SPEG: variants seen among roughly 807,000 people sequenced by gnomAD.
The protein encoded by SPEG is striated muscle preferentially expressed protein kinase.
A neutral mutation model predicts 300.4 loss-of-function variants in SPEG; 114 were observed. The ratio of observed to expected loss-of-function variants is 0.38; its 90% CI spans 0.33 to 0.44. SPEG has a LOEUF of 0.44. Among genes scored for constraint, SPEG ranks in the 20% least tolerant of loss-of-function variants. SPEG has a pLI of 1.00. For missense variants in SPEG, 4,201 were observed against 4,586.2 expected, an observed-to-expected ratio of 0.92 and a Z score of 2.43; for synonymous variants, 1,964 against 2,018.9, an observed-to-expected ratio of 0.97 and a Z score of 0.73.
intron 28 of SPEG, 109 bp from the exon 29 acceptor site, chr2:219,482,675 G>A (rs1559416491): frequency 3.3e-6 from 3 of 916,940 alleles, no homozygotes; most frequent in South Asian, 1.5e-5. Context: ...AGTGCTGCTC[G>A]ATCCACTCTC....
intron 18 of SPEG, among the ~76,000 whole-genome samples, chr2:219,476,585 A>C (rs1006910991): frequency 1.2e-4 from 19 of 152,202 alleles, no homozygotes; most frequent in Admixed American, 6.5e-5. Flanking sequence ...AAGCTGCCAA[A>C]TTAATACAGA....
Position 219,489,825 on chromosome 2 carries a change from A to T in SPEG, c.8807A>T (p.Lys2936Met). 1 of 1,613,538 alleles carries T rather than the reference A, an allele frequency of 6.2e-7. No individual in the cohort carries two copies. Residue 2936 changes from lysine to methionine, a missense_variant, in exon 36 of 41, where the codon AAG becomes ATG. Lys to Met is a moderately conservative substitution (Grantham distance 95). Around this residue, in one of 4 missense-constraint regions of SPEG, gnomAD observed 1,578 missense variants for 1,506.0 expected, o/e 1.05. Transcript: ENST00000312358. ...KVTVQSLSPA[K>M]EVVSSPGSSP... ...ACTGTGCAGAGCCTCAGCCCGGCCA[A>T]GGAGGTGGTCAGCTCCCCTGGGAGC...
rs773252094 is a variant in SPEG, at chr2:219,480,066, C to T, written c.5268C>T (p.Cys1756=). 3 of 1,614,048 alleles carry T rather than the reference C, an allele frequency of 1.9e-6. No homozygotes were observed. The South Asian group carries it at 3.3e-5, about 18-fold the overall frequency. Residue 1756 remains cysteine, a synonymous_variant, in exon 25 of 41, where the codon TGC becomes TGT. Coordinates refer to ENST00000312358, the MANE Select transcript of SPEG (RefSeq NM_005876.5). The surrounding 1 kb of genome is among the most constrained non-coding windows in gnomAD (Gnocchi z 5.3). ...TGACTCCAGGAGAGCCCCAGTACTG[C>T]CAGTATGGCACACCTGAGTTTGTAG... ...QELTPGEPQY[C]QYGTPEFVAP...
At position 219,488,573 on chromosome 2, in the gene SPEG, C is replaced by T; in HGVS notation, c.7934C>T (p.Pro2645Leu). The stretch of plus-strand genomic sequence containing the variant: ...GATGGGCGGCAGCTGCTCAGCATCC[C>T]CCGGGCGGGCAAGCGGCACGCCGGT... The part of the protein sequence containing the change: ...CKDGRQLLSI[P>L]RAGKRHAGLY... The change falls in exon 33 of 41, where the codon CCC becomes CTC. Residue 2645 changes from proline (P) to leucine (L), a missense_variant. By Grantham distance (98) the Pro-to-Leu change is moderately conservative. Coordinates refer to ENST00000312358, the MANE Select transcript of SPEG (RefSeq NM_005876.5). The T allele has an allele frequency of 1.2e-6, 2 of 1,612,036 alleles. No individual in the cohort carries two copies. The highest frequency in any genetic ancestry group is 1.7e-6 in the Non-Finnish European group (2 of 1,179,310).
chr2:219,443,273 C>A lies in SPEG; in HGVS notation c.389-1380C>A. 1 of 1,000,884 alleles carries A rather than the reference C, an allele frequency of 1.0e-6. No homozygotes were observed. Among genetic ancestry groups the A allele is most frequent in the Non-Finnish European group, 1.6e-6 (1 of 622,534 alleles). 62.0% of individuals were successfully genotyped at this position (1,000,884 alleles called of 1,614,324 possible). A position where few individuals can be genotyped will look rare whatever the true frequency, so the allele number is the denominator to read the frequency against. ...GAGATGTGGAACCCTCCCACTCACC[C>A]CCACACTTATCTACCACCCACCCGA... On this transcript the variant is annotated intron_variant, in intron 1 of 40. Coordinates refer to ENST00000312358, the MANE Select transcript of SPEG (RefSeq NM_005876.5). This position sits in a 1 kb window ranked among gnomAD's most constrained non-coding sequence, Gnocchi z 4.6.
In SPEG at chr2:219,448,861, C is replaced by T; in HGVS notation, c.1703C>T (p.Pro568Leu). 1 of 1,403,936 alleles carries T rather than the reference C, an allele frequency of 7.1e-7. No individual in the cohort carries two copies. Among genetic ancestry groups the T allele is most frequent in the East Asian group, 3.0e-5 (1 of 33,574 alleles). The allele number at this position is 1,403,936 out of a possible 1,614,324, so 87.0% of individuals were successfully genotyped here. Reference sequence around the variant, plus strand: ...AGCGCGGAGAAGCCGGGGGACGAGCCTGGGAGGCCCAGGAGCCGCGGGCCG... The same window carrying T: ...AGCGCGGAGAAGCCGGGGGACGAGCTTGGGAGGCCCAGGAGCCGCGGGCCG... ...PSSAEKPGDEPGRPRSRGPAG... is the reference protein window; with the variant it reads ...PSSAEKPGDELGRPRSRGPAG... Residue 568 changes from proline to leucine, a missense_variant, in exon 4 of 41, where the codon CCT becomes CTT. By Grantham distance (98) the Pro-to-Leu change is moderately conservative. Around this residue, in one of 4 missense-constraint regions of SPEG, gnomAD observed 1,258 missense variants for 1,293.9 expected, o/e 0.97. Coordinates refer to ENST00000312358, the MANE Select transcript of SPEG (RefSeq NM_005876.5).
rs547280298 is a variant in SPEG at position 219,459,914 on chromosome 2, G to C, written c.2441-1968G>C. Among the ~76,000 whole-genome samples, 3 of 152,360 alleles carry C rather than the reference G, an allele frequency of 2.0e-5. No homozygotes were observed. Among genetic ancestry groups the C allele is most frequent in the African/African-American group, 7.2e-5 (3 of 41,594 alleles). ...TGCTGGGAAACACAGGTCATGGCTT[G>C]GGAATGTGGCCCCGGGTTGCGGGGT... On this transcript the variant is annotated intron_variant, in intron 6 of 40. Transcript: ENST00000312358. The surrounding 1 kb of genome is among the most constrained non-coding windows in gnomAD (Gnocchi z 4.9).
In SPEG at chr2:219,488,250, G is replaced by A; in HGVS notation, c.7798G>A (p.Ala2600Thr). 1.9e-6 allele frequency: 3 copies of A among 1,613,686 alleles called. No individual in the cohort carries two copies. Among genetic ancestry groups the A allele is most frequent in the Non-Finnish European group, 1.7e-6 (2 of 1,179,884 alleles). ...LKDQVLLEGE[A>T]ATLLCLPAAC... The stretch of plus-strand genomic sequence containing the variant: ...GGACCAGGTGCTGCTGGAGGGGGAG[G>A]CAGCCACCCTGCTCTGCCTGCCAGC... The change falls in exon 32 of 41, where the codon GCA becomes ACA. Residue 2600 changes from alanine (A) to threonine (T), a missense_variant. Physicochemically the swap from Ala to Thr is moderately conservative, Grantham distance 58. Transcript: ENST00000312358.
chr2:219,436,640 C>G (rs1255231019), intron 1 of SPEG, among the ~76,000 whole-genome samples: 1 of 152,148 alleles, frequency 6.6e-6, no homozygotes, highest in Non-Finnish European at 1.5e-5. Context: ...GCTGGCCTCC[C>G]TCCATCGGCA....
chr2:219,478,776 A>G (rs890716312), intron 22 of SPEG, among the ~76,000 whole-genome samples: 2 of 152,240 alleles, frequency 1.3e-5, no homozygotes, highest in Admixed American at 6.5e-5. Flanking sequence ...AAATAGAGTC[A>G]AGAAGTTCCA....
chr2:219,465,938 CACGTGTGCGTGCATGTGT>C (rs1559391124), intron 9 of SPEG: 63 of 246,978 alleles, frequency 2.6e-4, no homozygotes, highest in Non-Finnish European at 3.9e-4. Flanking sequence ...CGTGTGCGTG[CACGTGTGCGTGCATGTGT>C]GCGTGTGCAT....
Position 219,477,324 on chromosome 2 carries a change from G to C in SPEG, c.4608G>C (p.Glu1536Asp). 1 of 1,613,572 alleles carries C rather than the reference G, an allele frequency of 6.2e-7. No homozygotes were observed. The highest frequency in any genetic ancestry group is 8.5e-7 in the Non-Finnish European group (1 of 1,179,902). ...TESSHVSFVY[E>D]ENECSLVVLS... ...GCAGCCATGTGAGCTTCGTGTACGA[G>C]GAGAATGAGTGCTCCCTGGTGGTGC... The change falls in exon 20 of 41, where the codon GAG becomes GAC. Residue 1536 changes from glutamate (E) to aspartate (D), a missense_variant. Transcript: ENST00000312358. This position sits in a 1 kb window ranked among gnomAD's most constrained non-coding sequence, Gnocchi z 6.4.
intron 32 of SPEG, 22 bp downstream of exon 32, chr2:219,488,332 C>T: frequency 6.4e-7 from 1 of 1,573,818 alleles, no homozygotes; most frequent in Non-Finnish European, 8.7e-7. Context: ...CTGTCTCCCA[C>T]AGAGAGGGAG....
chr2:219,445,658 G>A lies in SPEG; in HGVS notation c.815+497G>A, dbSNP rs2125254289. ...AGAGCAGGAGAGAGCAGGGGAACAA[G>A]CCAGCAAGCAGGAGAGAGAAGAGAG... On this transcript the variant is annotated intron_variant, in intron 3 of 40. Coordinates refer to ENST00000312358, the MANE Select transcript of SPEG (RefSeq NM_005876.5). The surrounding 1 kb of genome is among the most constrained non-coding windows in gnomAD (Gnocchi z 6.1). 6.0e-6 allele frequency: 1 copy of A among 167,470 alleles called. No homozygotes were observed. The highest frequency in any genetic ancestry group is 2.9e-3 in the Middle Eastern group (1 of 348). 10.4% of individuals were successfully genotyped at this position (167,470 alleles called of 1,614,324 possible). A position where few individuals can be genotyped will look rare whatever the true frequency, so the allele number is the denominator to read the frequency against.
In SPEG at chr2:219,489,060, CTG is replaced by C; in HGVS notation, c.8161_8162del (p.Trp2721AlafsTer43). The C allele has an allele frequency of 6.2e-7, 1 of 1,613,798 alleles. No homozygotes were observed. The highest frequency in any genetic ancestry group is 8.5e-7 in the Non-Finnish European group (1 of 1,179,902). On this transcript the variant is annotated frameshift_variant, in exon 35 of 41. Coordinates refer to ENST00000312358, the MANE Select transcript of SPEG (RefSeq NM_005876.5). LOFTEE classifies it high-confidence loss of function. Reference sequence around the variant, plus strand: ...TCCCCCATACTGCCTATAGGGGAGTCTGTGTGGCACCCTGTGAGCTCAGGCAT... The same window carrying C: ...TCCCCCATACTGCCTATAGGGGAGTCTGTGGCACCCTGTGAGCTCAGGCAT...
At chr2:219,469,400 C>G in intron 13 of SPEG, 21 bp downstream of exon 13, 2 of 1,589,214 alleles carry the variant, frequency 1.3e-6, no homozygotes, top group Admixed American at 3.4e-5. Flanking sequence ...GGGAAGTTCC[C>G]CGGGAGTGTC....
rs1204765734 is a variant in SPEG at position 219,484,026 on chromosome 2, C to T, written c.6563C>T (p.Thr2188Ile). 1.2e-6 allele frequency: 2 copies of T among 1,613,454 alleles called. No individual in the cohort carries two copies. The highest frequency in any genetic ancestry group is 1.7e-6 in the Non-Finnish European group (2 of 1,179,824). ...CGGCCCAGCGCCCCCAAACCCAGTA[C>T]CCCTAAGTCTGCAGAACCTTCTGCC... ...PARPSAPKPS[T>I]PKSAEPSATT... The change falls in exon 30 of 41, where the codon ACC (threonine) becomes ATC (isoleucine). Residue 2188 changes from threonine (T) to isoleucine (I), a missense_variant. Thr to Ile is a moderately conservative substitution (Grantham distance 89). Around this residue, in one of 4 missense-constraint regions of SPEG, gnomAD observed 1,578 missense variants for 1,506.0 expected, o/e 1.05. Coordinates refer to ENST00000312358, the MANE Select transcript of SPEG (RefSeq NM_005876.5).
At chr2:219,467,091 C>G in intron 9 of SPEG, 83 bp from the exon 10 acceptor site, 1 of 1,435,972 alleles carries the variant, frequency 7.0e-7, no homozygotes, top group Non-Finnish European at 9.3e-7. Flanking sequence ...GTCTGTCTGT[C>G]TCTCTGTGCG....
Position 219,488,262 on chromosome 2 carries a change from C to T in SPEG, c.7810C>T (p.Leu2604Phe), listed in dbSNP as rs77314619. The T allele has an allele frequency of 4.1e-3, 6,634 of 1,613,486 alleles. 17 individuals carry two copies. Among genetic ancestry groups the T allele is most frequent in the African/African-American group, 8.9e-3 (665 of 75,016 alleles). Reference protein sequence around the residue: ...VLLEGEAATLLCLPAACPAPH... With the variant: ...VLLEGEAATLFCLPAACPAPH... The stretch of plus-strand genomic sequence containing the variant: ...GCTGGAGGGGGAGGCAGCCACCCTG[C>T]TCTGCCTGCCAGCGGCCTGCCCTGC... The change falls in exon 32 of 41, where the codon CTC becomes TTC. Residue 2604 changes from leucine to phenylalanine, a missense_variant. Physicochemically the swap from Leu to Phe is conservative, Grantham distance 22. This residue lies in a region of SPEG where 1,578 missense variants were observed against 1,506.0 expected (regional missense o/e 1.05). Transcript: ENST00000312358.
Sources: allele counts gnomAD v4.1 joint callset (sites outside exome capture counted in the v4.1 genomes callset), GRCh38; gene constraint gnomAD v4.1.1; regional missense constraint gnomAD v4.1.1; non-coding constraint Gnocchi (gnomAD v3.1); transcripts MANE v1.5; gene names NCBI Gene and HGNC (gene_info 2026-07-23, HGNC 2026-07-21).